KIF26B: variants seen among roughly 807,000 people sequenced by gnomAD.
The protein encoded by KIF26B is kinesin-like protein KIF26B.
Under a neutral mutation model 151.2 loss-of-function variants are expected in KIF26B, and 63 were observed. The observed-to-expected ratio is 0.42, with a 90% CI of 0.34 to 0.51. The LOEUF (loss-of-function observed/expected upper bound fraction) is 0.51, where lower values mean the gene tolerates loss of function less well. Ranked by LOEUF, KIF26B falls within the 20% of genes least tolerant of loss-of-function variation. The probability of loss-of-function intolerance (pLI) is 0.07; values close to 1 mark genes in which losing one functional copy is unlikely to be tolerated. For missense variants in KIF26B, 2,813 were observed against 2,913.6 expected (o/e 0.97, Z 0.79); for synonymous variants, 1,357 against 1,262.1 (o/e 1.08, Z -1.59).
intron 2 of KIF26B, chr1:245,282,768 C>T (rs1671082874): frequency 5.8e-6 from 1 of 171,942 alleles, no homozygotes; most frequent in Non-Finnish European, 1.3e-5. Context: ...GGAGCTTCTT[C>T]CTTCTCCCTT....
chr1:245,662,580 T>G (rs797010090), intron 10 of KIF26B, among the ~76,000 whole-genome samples: 1 of 115,622 alleles, frequency 8.6e-6, no homozygotes, highest in Middle Eastern at 4.3e-3. Context: ...CCTATATATA[T>G]ATACACCCAA....
chr1:245,289,887 G>T (rs150263821), intron 2 of KIF26B, among the ~76,000 whole-genome samples: 147 of 152,260 alleles, frequency 9.7e-4, no homozygotes, highest in Middle Eastern at 3.4e-3. Flanking sequence ...CTTTTCTGTT[G>T]TTCCCGACTA....
intron 4 of KIF26B, among the ~76,000 whole-genome samples, chr1:245,505,389 T>G (rs970946053): frequency 6.6e-6 from 1 of 151,176 alleles, no homozygotes; most frequent in Admixed American, 6.6e-5. Context: ...TATTTATTCA[T>G]TCATTTATTC....
intron 2 of KIF26B, among the ~76,000 whole-genome samples, chr1:245,335,748 C>T (rs1331177230): frequency 7.5e-6 from 1 of 132,630 alleles, no homozygotes; most frequent in East Asian, 2.3e-4. Context: ...AGGAGGGTCC[C>T]ACGCAGGGAG....
intron 9 of KIF26B, 83 bp from the exon 10 acceptor site, chr1:245,646,038 G>A: frequency 6.9e-7 from 1 of 1,452,300 alleles, no homozygotes; most frequent in Non-Finnish European, 9.3e-7. Flanking sequence ...TTTTGCCTCA[G>A]ATTTCCCAAG....
chr1:245,379,896 GGGCGGCAGA>G (rs1291680268), intron 3 of KIF26B, among the ~76,000 whole-genome samples: 1 of 151,604 alleles, frequency 6.6e-6, no homozygotes, highest in Non-Finnish European at 1.5e-5. Flanking sequence ...GCTTGAACCC[GGGCGGCAGA>G]GGTTGCAGTG....
intron 3 of KIF26B, among the ~76,000 whole-genome samples, chr1:245,417,102 T>TC (rs889479301): frequency 7.5e-6 from 1 of 132,912 alleles, no homozygotes; most frequent in Non-Finnish European, 1.7e-5. Context: ...ACTGGCTGTG[T>TC]CTGAAAAATG....
intron 5 of KIF26B, among the ~76,000 whole-genome samples, chr1:245,600,698 C>G (rs141369662): frequency 6.6e-6 from 1 of 151,852 alleles, no homozygotes; most frequent in Non-Finnish European, 1.5e-5. Flanking sequence ...TGAGGCTGGG[C>G]GTGGCACCCA....
intron 4 of KIF26B, among the ~76,000 whole-genome samples, chr1:245,535,443 T>C (rs951215817): frequency 3.9e-5 from 6 of 152,212 alleles, no homozygotes; most frequent in African/African-American, 9.6e-5. Context: ...TTTTTCTGCA[T>C]TGAAGCCAAC....
chr1:245,228,066 C>G (rs1458239031), intron 2 of KIF26B, among the ~76,000 whole-genome samples: 1 of 152,184 alleles, frequency 6.6e-6, no homozygotes, highest in Non-Finnish European at 1.5e-5. Context: ...CATTCTTAGA[C>G]TTGCCTTCAA....
intron 3 of KIF26B, among the ~76,000 whole-genome samples, chr1:245,403,804 C>T (rs958042409): frequency 1.3e-5 from 2 of 152,196 alleles, no homozygotes; most frequent in African/African-American, 2.4e-5. Context: ...TCTAAGGGTA[C>T]TATTTAGGGA....
chr1:245,617,342 C>T (rs2043601196), intron 9 of KIF26B, among the ~76,000 whole-genome samples: 1 of 152,348 alleles, frequency 6.6e-6, no homozygotes, highest in Middle Eastern at 3.4e-3. Context: ...AAGTGATCCA[C>T]CCACCTCGGC....
chr1:245,370,739 G>C, intron 3 of KIF26B: 1 of 419,158 alleles, frequency 2.4e-6, no homozygotes, highest in Non-Finnish European at 4.9e-6. Context: ...TGAAGATGCT[G>C]CTTAAACGGC....
At position 245,155,460 on chromosome 1, in the gene KIF26B, G is replaced by A. The variant is rs536972752; in HGVS notation, c.36G>A (p.Ala12=). The A allele has an allele frequency of 2.5e-6, 4 of 1,611,956 alleles. No homozygotes were observed. The highest frequency in any genetic ancestry group is 1.7e-5 in the Admixed American group (1 of 59,766). ...NSVAGNKERL[A]VSTRGKKYGV... is the part of the protein sequence containing the mutation. Reference sequence around the variant, plus strand: ...TAGCTGGGAATAAAGAGAGGCTTGCGGTCTCCACCAGGGGCAAGAAATACG... The same window carrying A: ...TAGCTGGGAATAAAGAGAGGCTTGCAGTCTCCACCAGGGGCAAGAAATACG... The change falls in exon 1 of 15, where the codon GCG becomes GCA. Residue 12 remains alanine (A), a synonymous_variant. Transcript: ENST00000407071.
intron 5 of KIF26B, among the ~76,000 whole-genome samples, chr1:245,569,537 G>A (rs894950442): frequency 6.6e-6 from 1 of 152,084 alleles, no homozygotes; most frequent in African/African-American, 2.4e-5. Flanking sequence ...AACCTGGGAG[G>A]CAGAGGTTGC....
At chr1:245,389,811 T>C (rs1673641544) in intron 3 of KIF26B, among the ~76,000 whole-genome samples, 1 of 152,194 alleles carries the variant, frequency 6.6e-6, no homozygotes, top group Non-Finnish European at 1.5e-5. Flanking sequence ...AGCCCAACAC[T>C]GTGAATGCAG....
At chr1:245,447,651 A>G (rs1245362798) in intron 4 of KIF26B, among the ~76,000 whole-genome samples, 1 of 151,990 alleles carries the variant, frequency 6.6e-6, no homozygotes, top group Non-Finnish European at 1.5e-5. Flanking sequence ...GAAGGGGCAA[A>G]AGCAGCTTTT....
intron 2 of KIF26B, among the ~76,000 whole-genome samples, chr1:245,248,854 G>C (rs963993792): frequency 6.6e-6 from 1 of 152,178 alleles, no homozygotes. Flanking sequence ...CTGTACCTCC[G>C]AGTGGAAACC....
chr1:245,195,639 G>A (rs141821794), intron 2 of KIF26B, among the ~76,000 whole-genome samples: 212 of 152,310 alleles, frequency 1.4e-3, no homozygotes, highest in African/African-American at 4.4e-3. Context: ...CTTCAGGGCC[G>A]GGGGAAGGAG....
Sources: allele counts gnomAD v4.1 joint callset (sites outside exome capture counted in the v4.1 genomes callset), GRCh38; gene constraint gnomAD v4.1.1; transcripts MANE v1.5; gene names NCBI Gene and HGNC (gene_info 2026-07-23, HGNC 2026-07-21).